FAM135A: variants seen among roughly 807,000 people sequenced by gnomAD.
The protein encoded by FAM135A is family with sequence similarity 135 member A.
A neutral mutation model predicts 146.8 loss-of-function variants in FAM135A; 79 were observed. That is an observed-to-expected ratio of 0.54 (90% CI 0.45 to 0.65). The LOEUF is 0.65. Ranked by LOEUF, FAM135A falls within the 30% of genes least tolerant of loss-of-function variation. FAM135A has a pLI of 0.00. For synonymous variants in FAM135A, 562 were observed against 603.6 expected (o/e 0.93, Z 1.01); for missense variants, 1,623 against 1,758.2 (o/e 0.92, Z 1.38).
intron 2 of FAM135A, among the ~76,000 whole-genome samples, chr6:70,417,233 A>G (rs575419520): frequency 3.7e-4 from 56 of 152,032 alleles, no homozygotes; most frequent in Non-Finnish European, 6.5e-4. Flanking sequence ...AAATTATGTT[A>G]TAAATATATT....
At chr6:70,477,927 G>GA (rs534682638) in intron 8 of FAM135A, among the ~76,000 whole-genome samples, 205 of 152,006 alleles carry the variant, frequency 1.3e-3, no homozygotes, top group East Asian at 5.6e-3. Flanking sequence ...AGTTAACAAA[G>GA]AAAAAATACC....
At chr6:70,435,490 C>A (rs2127854568) in intron 4 of FAM135A, among the ~76,000 whole-genome samples, 1 of 151,958 alleles carries the variant, frequency 6.6e-6, no homozygotes, top group East Asian at 1.9e-4. Flanking sequence ...ACCCTGTAAA[C>A]CAGGTTTGAT....
At position 70,523,642 on chromosome 6, in the gene FAM135A, A is replaced by G. The variant is rs995369916; in HGVS notation, c.1104-325A>G. On this transcript the variant is annotated intron_variant, in intron 13 of 21. Transcript: ENST00000418814. ...GTTAAGCTTTTGGTATTTCTCTTATATGTGATTTGCAGCAGATTTAGAAGT... is the reference window on the plus strand; with the variant it reads ...GTTAAGCTTTTGGTATTTCTCTTATGTGTGATTTGCAGCAGATTTAGAAGT... Among the ~76,000 whole-genome samples, 3 of 152,168 alleles carry G rather than the reference A, an allele frequency of 2.0e-5. No homozygotes were observed. The East Asian group carries it at 5.8e-4, about 29-fold the overall frequency.
chr6:70,418,863 T>C (rs1375512762), intron 2 of FAM135A, among the ~76,000 whole-genome samples: 1 of 152,218 alleles, frequency 6.6e-6, no homozygotes, highest in Non-Finnish European at 1.5e-5. Flanking sequence ...GCAAGACTAA[T>C]CCACATGTCA....
At chr6:70,452,450 T>A in intron 4 of FAM135A, 42 bp from the exon 5 acceptor site, 1 of 1,457,910 alleles carries the variant, frequency 6.9e-7, no homozygotes, top group Non-Finnish European at 9.5e-7. Context: ...TGCATATTTT[T>A]AAATATGTTT....
intron 16 of FAM135A, among the ~76,000 whole-genome samples, chr6:70,532,186 T>C (rs1256935830): frequency 6.6e-6 from 1 of 152,140 alleles, no homozygotes; most frequent in Non-Finnish European, 1.5e-5. Context: ...TCAAACTGAT[T>C]TCTTATCCTT....
At chr6:70,452,716 A>G (rs969647858) in intron 5 of FAM135A, 145 bp downstream of exon 5, 2 of 548,702 alleles carry the variant, frequency 3.6e-6, no homozygotes, top group Admixed American at 4.1e-5. Context: ...TTGGGGACTC[A>G]GTGAAACAGA....
chr6:70,484,547 T>C (rs1784272990), intron 10 of FAM135A, among the ~76,000 whole-genome samples: 1 of 152,220 alleles, frequency 6.6e-6, no homozygotes. Flanking sequence ...AGACAATTTT[T>C]CCACGGATTG....
At chr6:70,446,756 G>A (rs902666506) in intron 4 of FAM135A, among the ~76,000 whole-genome samples, 2 of 152,130 alleles carry the variant, frequency 1.3e-5, no homozygotes, top group Non-Finnish European at 2.9e-5. Context: ...GAATACTCAC[G>A]GCAGTGGTGA....
intron 2 of FAM135A, among the ~76,000 whole-genome samples, chr6:70,419,100 GAA>G (rs1360842839): frequency 2.0e-5 from 3 of 152,228 alleles, no homozygotes; most frequent in Admixed American, 6.5e-5. Flanking sequence ...ATTTACAACA[GAA>G]CAGCATTCTC....
chr6:70,431,830 G>T (rs2127805307), intron 4 of FAM135A, among the ~76,000 whole-genome samples: 1 of 152,160 alleles, frequency 6.6e-6, no homozygotes, highest in African/African-American at 2.4e-5. Flanking sequence ...TGAAAAAAAT[G>T]ATTATTTGGA....
Position 70,524,936 on chromosome 6 carries a change from C to G in FAM135A, c.1852C>G (p.Leu618Val), listed in dbSNP as rs1455120419. The change falls in exon 15 of 22, where the codon CTT (leucine) becomes GTT (valine). Residue 618 changes from leucine (L) to valine (V), a missense_variant. Leu to Val is a conservative substitution (Grantham distance 32). Around this residue, in one of 7 missense-constraint regions of FAM135A, gnomAD observed 1,061 missense variants for 1,113.8 expected, o/e 0.95. Coordinates refer to ENST00000418814, the MANE Select transcript of FAM135A (RefSeq NM_001162529.3). The part of the protein sequence containing the change: ...LCANLSISGK[L>V]DISQDDSEIT... The stretch of plus-strand genomic sequence containing the variant: ...TGCAAATTTGTCCATTTCAGGTAAA[C>G]TTGATATCTCCCAGGACGATAGTGA... 1 of 1,611,258 alleles carries G rather than the reference C, an allele frequency of 6.2e-7. No homozygotes were observed. Among genetic ancestry groups the G allele is most frequent in the Non-Finnish European group, 8.5e-7 (1 of 1,179,012 alleles).
At position 70,526,031 on chromosome 6, in the gene FAM135A, T is replaced by A. The variant is rs1561976612; in HGVS notation, c.2947T>A (p.Ser983Thr). 1.9e-6 allele frequency: 3 copies of A among 1,612,070 alleles called. No homozygotes were observed. Among genetic ancestry groups the A allele is most frequent in the Middle Eastern group, 1.7e-4 (1 of 6,048 alleles). Residue 983 changes from serine to threonine, a missense_variant, in exon 15 of 22, where the codon TCC becomes ACC. This residue lies in a region of FAM135A where 1,061 missense variants were observed against 1,113.8 expected (regional missense o/e 0.95). Transcript: ENST00000418814. ...CLGTPCVISG[S>T]ISSNTDVSED... ...AGGCACTCCTTGTGTCATTTCAGGTTCCATTTCTAGTAATACAGATGTTAG... is the reference window on the plus strand; with the variant it reads ...AGGCACTCCTTGTGTCATTTCAGGTACCATTTCTAGTAATACAGATGTTAG...
chr6:70,484,699 G>A lies in FAM135A; in HGVS notation c.823+2545G>A, dbSNP rs534293414. Among the ~76,000 whole-genome samples, 5 of 152,294 alleles carry A rather than the reference G, an allele frequency of 3.3e-5. No homozygotes were observed. The East Asian group carries it at 7.7e-4, about 23-fold the overall frequency. On this transcript the variant is annotated intron_variant, in intron 10 of 21. Coordinates refer to ENST00000418814, the MANE Select transcript of FAM135A (RefSeq NM_001162529.3). ...CACGCTCCTATGAGAATCTAATGCC[G>A]CTGCTGATCCCACAGGAGGCAGAGC...
chr6:70,546,669 C>G (rs946329931), intron 20 of FAM135A, among the ~76,000 whole-genome samples: 1 of 151,912 alleles, frequency 6.6e-6, no homozygotes, highest in Admixed American at 6.6e-5. Context: ...TTTTTGTGAA[C>G]ACAATAGATC....
intron 11 of FAM135A, among the ~76,000 whole-genome samples, chr6:70,502,379 A>G (rs1448126491): frequency 3.9e-5 from 6 of 152,024 alleles, no homozygotes; most frequent in African/African-American, 1.2e-4. Context: ...TGCAATTGAC[A>G]TTATTTCAGT....
intron 1 of FAM135A, 103 bp downstream of exon 1, chr6:70,413,805 T>TGA (rs1766812996): frequency 1.0e-6 from 1 of 985,218 alleles, no homozygotes; most frequent in Non-Finnish European, 1.2e-6. Flanking sequence ...GGCCTCCTCT[T>TGA]CGTCCGCCGT....
chr6:70,525,273 C>T lies in FAM135A; in HGVS notation c.2189C>T (p.Thr730Ile). The T allele has an allele frequency of 6.2e-7, 1 of 1,600,180 alleles. No homozygotes were observed. Among genetic ancestry groups the T allele is most frequent in the Non-Finnish European group, 8.5e-7 (1 of 1,174,734 alleles). Reference sequence around the variant, plus strand: ...TGTCTTTCTATTGGAGAATCATTAACTAAATTACGAAGTAATCTACCTGCC... The same window carrying T: ...TGTCTTTCTATTGGAGAATCATTAATTAAATTACGAAGTAATCTACCTGCC... ...AKCLSIGESL[T>I]KLRSNLPAPS... The change falls in exon 15 of 22, where the codon ACT becomes ATT. Residue 730 changes from threonine to isoleucine, a missense_variant. Thr to Ile is a moderately conservative substitution (Grantham distance 89, BLOSUM62 -1). Transcript: ENST00000418814.
At chr6:70,558,771 A>AT (rs1158156512) in intron 21 of FAM135A, among the ~76,000 whole-genome samples, 3 of 152,146 alleles carry the variant, frequency 2.0e-5, no homozygotes, top group Non-Finnish European at 4.4e-5. Flanking sequence ...GTGAGTTGTG[A>AT]TCATGCCGCT....
Sources: gnomAD v4.1 joint callset for allele counts (sites outside exome capture counted in the v4.1 genomes callset) on GRCh38, gnomAD v4.1.1 for gene constraint, gnomAD v4.1.1 regional missense constraint, MANE v1.5 for transcripts, NCBI Gene and HGNC (gene_info 2026-07-23, HGNC 2026-07-21) for gene names.